The following TMTC1 variants were observed in gnomAD, a reference collection of about 807,000 sequenced individuals.
The protein encoded by TMTC1 is protein O-mannosyl-transferase TMTC1.
Under a neutral mutation model 104.8 loss-of-function variants are expected in TMTC1, and 73 were observed. The ratio of observed to expected loss-of-function variants is 0.70; its 90% CI spans 0.58 to 0.85. The LOEUF (loss-of-function observed/expected upper bound fraction) is 0.85. Among genes scored for constraint, TMTC1 ranks in the 40% least tolerant of loss-of-function variants. The pLI, the probability that TMTC1 is intolerant of heterozygous loss-of-function variation, is 0.00. For synonymous variants in TMTC1, 434 were observed against 428.7 expected (o/e 1.01, Z -0.15); for missense variants, 1,035 against 1,096.1 (o/e 0.94, Z 0.79).
chr12:29,697,753 T>C lies in TMTC1; in HGVS notation c.938+53913A>G, dbSNP rs1941467796. Among the ~76,000 whole-genome samples the C allele has an allele frequency of 2.0e-5, 3 of 152,140 alleles. No homozygotes were observed. The South Asian group carries it at 6.2e-4, about 32-fold the overall frequency. Reference sequence around the variant, plus strand: ...AGTCCAAAGACAGCCTGGAGAATTCTCTCTTTCTCAGGGGAGGCCAGTCTT... The same window carrying C: ...AGTCCAAAGACAGCCTGGAGAATTCCCTCTTTCTCAGGGGAGGCCAGTCTT... On this transcript the variant is annotated intron_variant, in intron 5 of 17. Transcript: ENST00000539277.
At position 29,518,605 on chromosome 12, in the gene TMTC1, A is replaced by G. The variant is rs750441445; in HGVS notation, c.1891T>C (p.Leu631=). The change falls in exon 13 of 18, where the codon TTA becomes CTA. Residue 631 remains leucine, a splice_region_variant and synonymous_variant. Coordinates refer to ENST00000539277, the MANE Select transcript of TMTC1 (RefSeq NM_001193451.2). The stretch of plus-strand genomic sequence containing the variant: ...TAATGGGCCACTGCCTTTTCTGGTA[A>G]GCCTGTAACCAGTGACAGGTTGGTA... ...NYGVFLVDTG[L]PEKAVAHYQQ... The G allele has an allele frequency of 6.2e-7, 1 of 1,613,986 alleles. No homozygotes were observed. Among genetic ancestry groups the G allele is most frequent in the South Asian group, 1.1e-5 (1 of 91,074 alleles).
chr12:29,594,454 C>T (rs1946357610), intron 7 of TMTC1, among the ~76,000 whole-genome samples: 2 of 152,216 alleles, frequency 1.3e-5, no homozygotes, highest in African/African-American at 4.8e-5. Context: ...TTGTAACCAA[C>T]ATCTATCATG....
At chr12:29,597,617 C>T (rs1340792659) in intron 7 of TMTC1, among the ~76,000 whole-genome samples, 1 of 133,878 alleles carries the variant, frequency 7.5e-6, no homozygotes, top group Non-Finnish European at 1.6e-5. Context: ...GCAGACACGC[C>T]ATAAAATGTG....
intron 11 of TMTC1, among the ~76,000 whole-genome samples, chr12:29,525,541 C>A (rs1944317729): frequency 6.6e-6 from 1 of 151,440 alleles, no homozygotes; most frequent in Admixed American, 6.6e-5. Context: ...GGGTTTTAGA[C>A]CATGAAGGGT....
intron 1 of TMTC1, among the ~76,000 whole-genome samples, chr12:29,777,405 CTCTT>C (rs1483949466): frequency 1.2e-4 from 19 of 152,212 alleles, no homozygotes; most frequent in African/African-American, 4.6e-4. Context: ...CCTTACCCCT[CTCTT>C]TAAGTGAGAT....
In TMTC1 at chr12:29,751,647, A is replaced by C. The variant is rs751612129; in HGVS notation, c.938+19T>G. On this transcript the variant is annotated intron_variant, in intron 5 of 17. Coordinates refer to ENST00000539277, the MANE Select transcript of TMTC1 (RefSeq NM_001193451.2). ...TGGACATTGAAAACATGCAGGGACCAAGAAACCCAGCCCAGTACCTCATCA... is the reference window on the plus strand; with the variant it reads ...TGGACATTGAAAACATGCAGGGACCCAGAAACCCAGCCCAGTACCTCATCA... The C allele has an allele frequency of 5.0e-6, 8 of 1,613,860 alleles. No individual in the cohort carries two copies. Among genetic ancestry groups the C allele is most frequent in the Non-Finnish European group, 6.8e-6 (8 of 1,179,932 alleles).
chr12:29,605,377 C>T (rs1051717429), intron 6 of TMTC1, among the ~76,000 whole-genome samples: 4 of 151,654 alleles, frequency 2.6e-5, no homozygotes, highest in East Asian at 1.9e-4. Flanking sequence ...ATTTGTTTTA[C>T]GGACTAAAAT....
At chr12:29,772,300 C>A (rs4931220) in intron 1 of TMTC1, among the ~76,000 whole-genome samples, 60,030 of 152,034 alleles carry the variant, frequency 0.39, 12,396 homozygotes, top group Admixed American at 0.54. Context: ...TTGCCATAGT[C>A]TCTACCAATT....
chr12:29,523,081 G>T (rs968982770), intron 11 of TMTC1, among the ~76,000 whole-genome samples: 2 of 152,126 alleles, frequency 1.3e-5, no homozygotes, highest in African/African-American at 4.8e-5. Flanking sequence ...AAACATGACT[G>T]GCATAAACAG....
chr12:29,608,770 G>A (rs939528761), intron 6 of TMTC1, among the ~76,000 whole-genome samples: 2 of 152,034 alleles, frequency 1.3e-5, no homozygotes, highest in South Asian at 2.1e-4. Context: ...AGTCACCATC[G>A]GCACAAATAC....
In TMTC1 at chr12:29,695,884, C is replaced by A. The variant is rs1941410885; in HGVS notation, c.938+55782G>T. On this transcript the variant is annotated intron_variant, in intron 5 of 17. Transcript: ENST00000539277. ...GATTTTGTGATGGATTTTACTAGGA[C>A]CTATTGAGAAAATAGGAAGCAACCT... Among the ~76,000 whole-genome samples, 4 of 143,110 alleles carry A rather than the reference C, an allele frequency of 2.8e-5. No homozygotes were observed. In the Admixed American group the frequency reaches 2.9e-4, roughly 11 times the overall value. 93.9% of individuals were successfully genotyped at this position (143,110 alleles called of 152,430 possible).
At chr12:29,525,440 C>T (rs910254577) in intron 11 of TMTC1, among the ~76,000 whole-genome samples, 4 of 151,920 alleles carry the variant, frequency 2.6e-5, no homozygotes, top group African/African-American at 9.7e-5. Context: ...CCCGCCTTGG[C>T]TTCCCAAAAT....
chr12:29,769,114 G>C (rs1299960656), intron 1 of TMTC1, among the ~76,000 whole-genome samples: 2 of 152,062 alleles, frequency 1.3e-5, no homozygotes, highest in African/African-American at 4.8e-5. Context: ...AAACAACTAA[G>C]AATGAAAAAG....
chr12:29,708,139 G>T (rs1941800344), intron 5 of TMTC1, among the ~76,000 whole-genome samples: 1 of 152,128 alleles, frequency 6.6e-6, no homozygotes, highest in Non-Finnish European at 1.5e-5. Context: ...ACCTCCAGAA[G>T]GATACAACAC....
intron 6 of TMTC1, among the ~76,000 whole-genome samples, chr12:29,606,047 C>T (rs1185245552): frequency 6.6e-6 from 1 of 152,188 alleles, no homozygotes; most frequent in Non-Finnish European, 1.5e-5. Context: ...TGATTTTGTT[C>T]TTTCTTATGG....
chr12:29,783,916 G>T lies in TMTC1; in HGVS notation c.-165C>A. ...CCCGCGCTCCGCCGCCGCCTGCGCC[G>T]CGGAGTTGGCCCAGCTGCAAATAAA... On this transcript the variant is annotated 5_prime_UTR_variant, in exon 1 of 18. Transcript: ENST00000539277. The surrounding 1 kb of genome is among the most constrained non-coding windows in gnomAD (Gnocchi z 4.7). The T allele has an allele frequency of 1.7e-6, 1 of 578,260 alleles. No homozygotes were observed. Among genetic ancestry groups the T allele is most frequent in the Non-Finnish European group, 2.2e-6 (1 of 447,674 alleles). The allele number at this position is 578,260 out of a possible 1,614,324, so 35.8% of individuals were successfully genotyped here.
At chr12:29,636,689 G>A (rs944328483) in intron 5 of TMTC1, among the ~76,000 whole-genome samples, 12 of 151,768 alleles carry the variant, frequency 7.9e-5, no homozygotes, top group African/African-American at 2.9e-4. Context: ...GTGGTGGTGC[G>A]TGCCTGTATT....
chr12:29,597,357 G>A (rs1270564566), intron 7 of TMTC1, among the ~76,000 whole-genome samples: 3 of 150,452 alleles, frequency 2.0e-5, no homozygotes, highest in Non-Finnish European at 3.0e-5. Context: ...TGACAGGTGT[G>A]AGCCACCATG....
At chr12:29,743,970 G>A (rs1942889618) in intron 5 of TMTC1, among the ~76,000 whole-genome samples, 1 of 152,180 alleles carries the variant, frequency 6.6e-6, no homozygotes, top group South Asian at 2.1e-4. Context: ...ACACAGGCCA[G>A]GGGTTGAGTA....
Sources: gnomAD v4.1 joint callset for allele counts (sites outside exome capture counted in the v4.1 genomes callset) on GRCh38, gnomAD v4.1.1 for gene constraint, Gnocchi (gnomAD v3.1) non-coding constraint, MANE v1.5 for transcripts, NCBI Gene and HGNC (gene_info 2026-07-23, HGNC 2026-07-21) for gene names.